Variants in ALG5 observed in about 807,000 individuals in gnomAD.
ALG5 encodes ALG5 dolichyl-phosphate beta-glucosyltransferase, also known as dolichyl-phosphate beta-glucosyltransferase.
ALG5 carries 26 observed loss-of-function variants against 51.8 expected under a neutral mutation model. That is an observed-to-expected ratio of 0.50 (90% CI 0.37 to 0.70). The LOEUF (loss-of-function observed/expected upper bound fraction) is 0.70, where lower values mean the gene tolerates loss of function less well. ALG5 is among the 30% of genes least tolerant of loss of function. The pLI, the probability that ALG5 is intolerant of heterozygous loss-of-function variation, is 0.00. For missense variants in ALG5, 311 were observed against 399.3 expected, an observed-to-expected ratio of 0.78 and a Z score of 1.88; for synonymous variants, 141 against 136.1, an observed-to-expected ratio of 1.04 and a Z score of -0.25.
At chr13:36,965,843 A>C in intron 7 of ALG5, 117 bp from the exon 8 acceptor site, 1 of 826,576 alleles carries the variant, frequency 1.2e-6, no homozygotes, top group African/African-American at 1.7e-5. Flanking sequence ...GATCTTACAT[A>C]AGAACACCAC....
rs1194367660 is a variant in ALG5 at position 36,995,614 on chromosome 13, T to C, written c.67-18A>G. ...ATGGAAATCTAAAAGCAGACATACA[T>C]GTCTTTTACAAAACAGAAATTATGT... is the stretch of plus-strand genomic sequence containing the variant. On this transcript the variant is annotated intron_variant, in intron 1 of 9. Coordinates refer to ENST00000239891, the MANE Select transcript of ALG5 (RefSeq NM_013338.5). The C allele has an allele frequency of 1.9e-6, 3 of 1,585,934 alleles. No individual in the cohort carries two copies. In the Admixed American group the frequency reaches 6.1e-5, roughly 32 times the overall value.
chr13:36,951,403 G>T (rs1186603830), intron 9 of ALG5, among the ~76,000 whole-genome samples: 4 of 152,144 alleles, frequency 2.6e-5, no homozygotes, highest in African/African-American at 9.7e-5. Flanking sequence ...ATTCATCCTA[G>T]ACTATACAGT....
rs766449074 is a variant in ALG5 at position 36,985,636 on chromosome 13, C to G, written c.552G>C (p.Gln184His). 7 of 1,612,544 alleles carry G rather than the reference C, an allele frequency of 4.3e-6. No individual in the cohort carries two copies. Among genetic ancestry groups the G allele is most frequent in the Non-Finnish European group, 5.9e-6 (7 of 1,178,922 alleles). The change falls in exon 6 of 10, where the codon CAG becomes CAC. Residue 184 changes from glutamine (Q) to histidine (H), a missense_variant. Physicochemically the swap from Gln to His is conservative, Grantham distance 24. Transcript: ENST00000239891. ...ACATTCTTATACTCACAGGCCAAGG[C>G]TGTAGATCATTTAGCCCCTTTTCTA... The part of the protein sequence containing the change: ...EKLEKGLNDL[Q>H]PWPNQMAIAC...
chr13:36,965,533 G>A, intron 8 of ALG5, 42 bp downstream of exon 8: 4 of 1,562,876 alleles, frequency 2.6e-6, no homozygotes, highest in Non-Finnish European at 3.5e-6. Context: ...GAAGATGGCT[G>A]GGTCATAAGA....
At chr13:36,951,035 T>G (rs1444855559) in intron 9 of ALG5, among the ~76,000 whole-genome samples, 1 of 152,202 alleles carries the variant, frequency 6.6e-6, no homozygotes, top group Non-Finnish European at 1.5e-5. Flanking sequence ...AGCTTTCTTC[T>G]GAAAACATTA....
chr13:36,996,935 T>C (rs2059053318), intron 1 of ALG5, among the ~76,000 whole-genome samples: 1 of 152,148 alleles, frequency 6.6e-6, no homozygotes, highest in Non-Finnish European at 1.5e-5. Context: ...CACAGATCCA[T>C]CTTAACACCA....
At chr13:36,950,784 CT>C (rs925604356) in intron 9 of ALG5, among the ~76,000 whole-genome samples, 7 of 152,048 alleles carry the variant, frequency 4.6e-5, no homozygotes, top group Non-Finnish European at 1.0e-4. Flanking sequence ...TGAGGTCTCA[CT>C]GTGTTGCCCA....
intron 6 of ALG5, among the ~76,000 whole-genome samples, chr13:36,980,624 A>T (rs2138813203): frequency 6.6e-6 from 1 of 152,326 alleles, no homozygotes; most frequent in East Asian, 1.9e-4. Context: ...CTGAGAGGAA[A>T]GCTTTGCATA....
chr13:36,997,016 T>G (rs1453004558), intron 1 of ALG5, among the ~76,000 whole-genome samples: 1 of 152,200 alleles, frequency 6.6e-6, no homozygotes, highest in Non-Finnish European at 1.5e-5. Flanking sequence ...CACAATTTTT[T>G]CTTGATTAAA....
At chr13:36,959,647 A>G (rs990259607) in intron 8 of ALG5, among the ~76,000 whole-genome samples, 2 of 152,164 alleles carry the variant, frequency 1.3e-5, no homozygotes, top group African/African-American at 4.8e-5. Context: ...TCACAGAAGT[A>G]TGGAGTGCCA....
chr13:36,975,972 T>C (rs1342124362), intron 6 of ALG5, among the ~76,000 whole-genome samples: 1 of 146,516 alleles, frequency 6.8e-6, no homozygotes, highest in South Asian at 2.1e-4. Context: ...GTAACTTGTC[T>C]CAAAAAAAAA....
intron 8 of ALG5, among the ~76,000 whole-genome samples, chr13:36,958,977 C>G (rs1032376223): frequency 6.6e-6 from 1 of 151,316 alleles, no homozygotes; most frequent in Non-Finnish European, 1.5e-5. Context: ...AATCTTGCAA[C>G]TGCAAACAAA....
intron 6 of ALG5, among the ~76,000 whole-genome samples, chr13:36,984,339 G>A (rs989251357): frequency 1.3e-5 from 2 of 151,986 alleles, no homozygotes; most frequent in Non-Finnish European, 2.9e-5. Flanking sequence ...GGCCTCAAGT[G>A]ATCTTCCTGC....
Position 36,950,056 on chromosome 13 carries a change from A to G in ALG5, c.861T>C (p.Gly287=). 6.4e-7 allele frequency: 1 copy of G among 1,571,456 alleles called. No individual in the cohort carries two copies. The highest frequency in any genetic ancestry group is 1.4e-5 in the African/African-American group (1 of 73,502). The stretch of plus-strand genomic sequence containing the variant: ...AGCTCCAGAATGGAACTAATTTAGA[A>G]CCTGTGATTTAAAAATAATTAAAAA... ...EIAVNWTEIE[G]SKLVPFWSWL... Residue 287 remains glycine, a splice_region_variant and synonymous_variant, in exon 10 of 10, where the codon GGT becomes GGC. Coordinates refer to ENST00000239891, the MANE Select transcript of ALG5 (RefSeq NM_013338.5).
chr13:36,981,530 G>T (rs189877734), intron 6 of ALG5, among the ~76,000 whole-genome samples: 1 of 152,272 alleles, frequency 6.6e-6, no homozygotes, highest in East Asian at 1.9e-4. Flanking sequence ...GATAGAACAA[G>T]AACCTACACT....
chr13:36,993,532 G>T, intron 4 of ALG5, 72 bp downstream of exon 4: 1 of 1,304,798 alleles, frequency 7.7e-7, no homozygotes, highest in Non-Finnish European at 1.1e-6. Context: ...GTGAATGAAA[G>T]TGAGATTTCA....
intron 8 of ALG5, among the ~76,000 whole-genome samples, chr13:36,955,345 G>A (rs934770068): frequency 6.6e-6 from 1 of 152,132 alleles, no homozygotes; most frequent in East Asian, 1.9e-4. Context: ...TGTGAAGAAT[G>A]AGTGTTAAAA....
Position 36,969,816 on chromosome 13 carries a change from T to A in ALG5, c.621+2161A>T, listed in dbSNP as rs527419644. ...TCTCAAAGTGCTGGGATTACAGGTG[T>A]GAGCCACTGTGTCCAGCCTATTTGT... On this transcript the variant is annotated intron_variant, in intron 7 of 9. Coordinates refer to ENST00000239891, the MANE Select transcript of ALG5 (RefSeq NM_013338.5). Among the ~76,000 whole-genome samples the A allele has an allele frequency of 2.0e-5, 3 of 152,282 alleles. No individual in the cohort carries two copies. The South Asian group carries it at 6.2e-4, about 32-fold the overall frequency.
intron 6 of ALG5, among the ~76,000 whole-genome samples, chr13:36,977,199 G>C (rs949243810): frequency 2.0e-5 from 3 of 152,160 alleles, no homozygotes; most frequent in African/African-American, 7.2e-5. Flanking sequence ...CAAAAAGTTA[G>C]CTGTTCTTCA....
Sources: allele counts gnomAD v4.1 joint callset (sites outside exome capture counted in the v4.1 genomes callset), GRCh38; gene constraint gnomAD v4.1.1; transcripts MANE v1.5; gene names NCBI Gene and HGNC (gene_info 2026-07-23, HGNC 2026-07-21).